Variants in INSR observed in about 807,000 individuals in gnomAD.
INSR encodes insulin receptor.
Under a neutral mutation model 142.6 loss-of-function variants are expected in INSR, and 67 were observed. That is an observed-to-expected ratio of 0.47 (90% confidence interval 0.39 to 0.58). The LOEUF (loss-of-function observed/expected upper bound fraction) is 0.58. INSR is among the 20% of genes least tolerant of loss of function. The pLI is 0.00. For synonymous variants in INSR, 756 were observed against 743.1 expected (o/e 1.02, Z -0.28); for missense variants, 1,248 against 1,833.2 (o/e 0.68, Z 5.83).
chr19:7,286,172 G>A (rs778266465), intron 1 of INSR, among the ~76,000 whole-genome samples: 5 of 151,710 alleles, frequency 3.3e-5, no homozygotes, highest in South Asian at 4.2e-4. Context: ...TTGTAGAGAC[G>A]GGGTCTTGCT....
chr19:7,281,642 C>T (rs1488616016), intron 1 of INSR, among the ~76,000 whole-genome samples: 2 of 152,144 alleles, frequency 1.3e-5, no homozygotes, highest in African/African-American at 4.8e-5. Context: ...AATCACACCA[C>T]CGCACTCCAG....
At chr19:7,212,748 G>A (rs1229177032) in intron 2 of INSR, among the ~76,000 whole-genome samples, 1 of 151,910 alleles carries the variant, frequency 6.6e-6, no homozygotes, top group Non-Finnish European at 1.5e-5. Context: ...CCCACGTCCT[G>A]CTAATTTTTT....
In INSR at chr19:7,216,501, A is replaced by T. The variant is rs1244624760; in HGVS notation, c.653-31864T>A. Reference sequence around the variant, plus strand: ...GTAGCAGGACAGACATCCAGAGGGTAACAGGGAACCACGGGGGATGTCCCC... The same window carrying T: ...GTAGCAGGACAGACATCCAGAGGGTTACAGGGAACCACGGGGGATGTCCCC... On this transcript the variant is annotated intron_variant, in intron 2 of 21. Coordinates refer to ENST00000302850, the MANE Select transcript of INSR (RefSeq NM_000208.4). The surrounding 1 kb of genome is among the most constrained non-coding windows in gnomAD (Gnocchi z 4.2). Among the ~76,000 whole-genome samples, 1 of 152,206 alleles carries T rather than the reference A, an allele frequency of 6.6e-6. No individual in the cohort carries two copies. The highest frequency in any genetic ancestry group is 1.5e-5 in the Non-Finnish European group (1 of 68,034).
At chr19:7,181,641 C>T (rs1465510544) in intron 3 of INSR, among the ~76,000 whole-genome samples, 1 of 151,290 alleles carries the variant, frequency 6.6e-6, no homozygotes, top group Non-Finnish European at 1.5e-5. Context: ...GTGATCTCAG[C>T]TCACTGCAAC....
chr19:7,235,986 T>G (rs892919845), intron 2 of INSR, among the ~76,000 whole-genome samples: 14 of 150,838 alleles, frequency 9.3e-5, no homozygotes, highest in Admixed American at 2.0e-4. Flanking sequence ...TTTTTTTTTT[T>G]TTTTAAAGAC....
At chr19:7,226,189 C>T (rs1293154320) in intron 2 of INSR, among the ~76,000 whole-genome samples, 1 of 152,104 alleles carries the variant, frequency 6.6e-6, no homozygotes, top group Non-Finnish European at 1.5e-5. Flanking sequence ...GGGAGGATCA[C>T]GAGGTCAAGA....
At chr19:7,155,893 A>G (rs972967645) in intron 9 of INSR, among the ~76,000 whole-genome samples, 2 of 150,954 alleles carry the variant, frequency 1.3e-5, no homozygotes, top group Admixed American at 6.7e-5. Flanking sequence ...CAGCCTGGGC[A>G]ACAGAGTGAA....
intron 3 of INSR, among the ~76,000 whole-genome samples, chr19:7,183,804 A>G (rs1285782206): frequency 1.3e-5 from 2 of 152,114 alleles, no homozygotes; most frequent in Admixed American, 6.6e-5. Context: ...CACACCTGCA[A>G]TCACAGCACT....
chr19:7,184,757 T>A, intron 2 of INSR, 120 bp from the exon 3 acceptor site: 1 of 742,950 alleles, frequency 1.3e-6, no homozygotes, highest in East Asian at 3.4e-5. Context: ...GATCAGACAG[T>A]GAAAGCCAAC....
rs755730135 is a variant in INSR at position 7,174,594 on chromosome 19, A to C, written c.1112T>G (p.Ile371Ser). Residue 371 changes from isoleucine (I) to serine (S), a missense_variant, in exon 4 of 22, where the codon ATT (isoleucine) becomes AGT (serine). Ile to Ser is a moderately radical substitution (Grantham distance 142). This residue lies in a region of INSR where 1,069 missense variants were observed against 1,654.0 expected (regional missense o/e 0.65). Coordinates refer to ENST00000302850, the MANE Select transcript of INSR (RefSeq NM_000208.4). ...TVINGSLIIN[I>S]RGGNNLAAEL... The stretch of plus-strand genomic sequence containing the variant: ...ACAGAGACACTCACTGCCTCCTCGA[A>C]TGTTGATGATCAGACTCCCGTTGAT... The C allele has an allele frequency of 6.2e-7, 1 of 1,613,922 alleles. No individual in the cohort carries two copies. Among genetic ancestry groups the C allele is most frequent in the Non-Finnish European group, 8.5e-7 (1 of 1,179,958 alleles).
At chr19:7,183,483 A>G (rs1388443299) in intron 3 of INSR, among the ~76,000 whole-genome samples, 1 of 152,098 alleles carries the variant, frequency 6.6e-6, no homozygotes, top group Non-Finnish European at 1.5e-5. Context: ...ACGGCAGGAA[A>G]TGGTTTGATT....
intron 2 of INSR, among the ~76,000 whole-genome samples, chr19:7,253,353 C>A (rs996091661): frequency 2.0e-5 from 3 of 152,054 alleles, no homozygotes; most frequent in African/African-American, 7.2e-5. Context: ...ATCCTCCTGC[C>A]TCAGCCCCCC....
intron 15 of INSR, among the ~76,000 whole-genome samples, chr19:7,127,937 T>C (rs1057297008): frequency 6.6e-5 from 10 of 151,712 alleles, no homozygotes; most frequent in African/African-American, 2.2e-4. Context: ...AGAGACGGGG[T>C]TTCACCATGT....
intron 5 of INSR, among the ~76,000 whole-genome samples, chr19:7,171,262 C>T (rs1974009768): frequency 6.6e-6 from 1 of 152,106 alleles, no homozygotes; most frequent in Non-Finnish European, 1.5e-5. Context: ...GATTCTCACT[C>T]TGGTGCCTAG....
intron 2 of INSR, among the ~76,000 whole-genome samples, chr19:7,228,420 G>T (rs1226360671): frequency 6.6e-6 from 1 of 152,186 alleles, no homozygotes; most frequent in Admixed American, 6.5e-5. Context: ...TGAGGCTAAA[G>T]ACAGGAAGGT....
intron 9 of INSR, among the ~76,000 whole-genome samples, chr19:7,153,312 CA>C (rs1973475945): frequency 5.2e-5 from 4 of 76,972 alleles, no homozygotes; most frequent in Admixed American, 1.3e-4. Flanking sequence ...CCACACAAAT[CA>C]CACACACACC....
intron 2 of INSR, among the ~76,000 whole-genome samples, chr19:7,265,735 CAA>C (rs34734343): frequency 0.31 from 41,373 of 133,346 alleles, 6,149 homozygotes; most frequent in African/African-American, 0.4. Context: ...AACTCCATCT[CAA>C]AAAAAAAAAA....
chr19:7,149,597 G>A (rs1973273704), intron 11 of INSR, among the ~76,000 whole-genome samples: 1 of 152,052 alleles, frequency 6.6e-6, no homozygotes, highest in African/African-American at 2.4e-5. Context: ...CGAGGCGGGC[G>A]GATCGCCTGA....
At chr19:7,128,771 T>C (rs933994165) in intron 15 of INSR, 81 bp downstream of exon 15, 1 of 912,720 alleles carries the variant, frequency 1.1e-6, no homozygotes, top group Non-Finnish European at 1.8e-6. Context: ...TAAACTTAAA[T>C]ATGCCTATAC....
Sources: gnomAD v4.1 joint callset for allele counts (sites outside exome capture counted in the v4.1 genomes callset) on GRCh38, gnomAD v4.1.1 for gene constraint, gnomAD v4.1.1 regional missense constraint, Gnocchi (gnomAD v3.1) non-coding constraint, MANE v1.5 for transcripts, NCBI Gene and HGNC (gene_info 2026-07-23, HGNC 2026-07-21) for gene names.